The following TGDS variants were observed in gnomAD, a reference collection of about 807,000 sequenced individuals.
TGDS encodes the protein UDP-D-glucose 4,6-dehydratase.
In TGDS, 47 loss-of-function variants were observed where a neutral mutation model predicts 52.3. That is an observed-to-expected ratio of 0.90 (90% CI 0.71 to 1.15). The LOEUF is 1.15. Ranked by LOEUF, TGDS falls within the 50% of genes most tolerant of loss-of-function variation. The probability of loss-of-function intolerance (pLI) is 0.00; values close to 1 mark genes in which losing one functional copy is unlikely to be tolerated. For synonymous variants in TGDS, 115 were observed against 136.9 expected, an observed-to-expected ratio of 0.84 and a Z score of 1.12; for missense variants, 375 against 418.4, an observed-to-expected ratio of 0.90 and a Z score of 0.90.
intron 6 of TGDS, 152 bp from the exon 7 acceptor site, chr13:94,580,105 G>T: frequency 1.9e-6 from 1 of 529,584 alleles, no homozygotes; most frequent in Non-Finnish European, 3.3e-6. Context: ...CTAACGTAAG[G>T]TTTCTAAAAA....
chr13:94,580,940 A>G (rs1888766466), intron 6 of TGDS, 151 bp downstream of exon 6: 2 of 453,990 alleles, frequency 4.4e-6, no homozygotes, highest in East Asian at 6.9e-5. Flanking sequence ...GGAGTTCGAG[A>G]CCAGCCTGAG....
chr13:94,587,875 T>C (rs1248109068), intron 4 of TGDS, among the ~76,000 whole-genome samples: 1 of 151,176 alleles, frequency 6.6e-6, no homozygotes, highest in African/African-American at 2.4e-5. Context: ...CGGGCGCCTG[T>C]AGTCCCAGCT....
At position 94,575,916 on chromosome 13, in the gene TGDS, T is replaced by C. The variant is rs145301403; in HGVS notation, c.982+398A>G. 2.6e-3 allele frequency among the ~76,000 whole-genome samples: 393 copies of C among 152,264 alleles called. 5 individuals carry two copies. The highest frequency in any genetic ancestry group is 9.0e-3 in the African/African-American group (373 of 41,558). On this transcript the variant is annotated intron_variant, in intron 11 of 11. Coordinates refer to ENST00000261296, the MANE Select transcript of TGDS (RefSeq NM_014305.4). ...CAAGACACAAAAAAGACTGCATCTA[T>C]ATTTCACCAACTCTAAGATGCCACT...
At chr13:94,588,502 G>T (rs576333762) in intron 4 of TGDS, among the ~76,000 whole-genome samples, 2 of 149,486 alleles carry the variant, frequency 1.3e-5, no homozygotes, top group African/African-American at 4.9e-5. Context: ...AAAAGGCTTG[G>T]ATCCAAAATA....
At chr13:94,587,856 G>A (rs541267074) in intron 4 of TGDS, among the ~76,000 whole-genome samples, 1 of 151,604 alleles carries the variant, frequency 6.6e-6, no homozygotes, top group African/African-American at 2.4e-5. Context: ...AATTAGCCGG[G>A]TGTGGTGGCG....
intron 4 of TGDS, among the ~76,000 whole-genome samples, chr13:94,587,922 A>C (rs1306747285): frequency 6.8e-6 from 1 of 147,080 alleles, no homozygotes; most frequent in Non-Finnish European, 1.5e-5. Context: ...GCATGAACCC[A>C]GGAGGCAGAG....
intron 3 of TGDS, among the ~76,000 whole-genome samples, chr13:94,591,466 G>A (rs867365254): frequency 6.6e-6 from 1 of 152,102 alleles, no homozygotes; most frequent in Non-Finnish European, 1.5e-5. Context: ...GGTAGCAGGC[G>A]CCTGTAATCC....
chr13:94,590,968 G>A, intron 3 of TGDS, 25 bp from the exon 4 acceptor site: 1 of 1,529,610 alleles, frequency 6.5e-7, no homozygotes, highest in Non-Finnish European at 8.8e-7. Flanking sequence ...AAACATGAAA[G>A]GGCCTAGGTT....
chr13:94,577,985 CTTTT>C lies in TGDS; in HGVS notation c.825+16_825+19del, dbSNP rs760567648. ...CACTAACAATTTTGAAAATACCAAC[CTTTT>C]AAAACAGATACATACCAGTTGTATT... On this transcript the variant is annotated intron_variant, in intron 9 of 11. Coordinates refer to ENST00000261296, the MANE Select transcript of TGDS (RefSeq NM_014305.4). 4 of 1,604,624 alleles carry C rather than the reference CTTTT, an allele frequency of 2.5e-6. No individual in the cohort carries two copies. In the East Asian group the frequency reaches 9.0e-5, roughly 36 times the overall value.
chr13:94,590,967 A>G lies in TGDS; in HGVS notation c.223-24T>C, dbSNP rs777188634. 7 of 1,539,906 alleles carry G rather than the reference A, an allele frequency of 4.5e-6. No individual in the cohort carries two copies. In the South Asian group the frequency reaches 8.7e-5, roughly 19 times the overall value. On this transcript the variant is annotated intron_variant, in intron 3 of 11. Coordinates refer to ENST00000261296, the MANE Select transcript of TGDS (RefSeq NM_014305.4). Reference sequence around the variant, plus strand: ...CCCTATATGAAAAAGCAAACATGAAAGGGCCTAGGTTTCATACAGCACTCT... The same window carrying G: ...CCCTATATGAAAAAGCAAACATGAAGGGGCCTAGGTTTCATACAGCACTCT...
At chr13:94,580,872 C>G (rs1830442907) in intron 6 of TGDS, among the ~76,000 whole-genome samples, 1 of 152,206 alleles carries the variant, frequency 6.6e-6, no homozygotes, top group Non-Finnish European at 1.5e-5. Context: ...CTGGGCGTGG[C>G]TCACGCCTGT....
intron 4 of TGDS, among the ~76,000 whole-genome samples, chr13:94,583,853 C>T (rs1239823344): frequency 6.6e-6 from 1 of 152,050 alleles, no homozygotes; most frequent in Non-Finnish European, 1.5e-5. Context: ...TTATAAAGAA[C>T]TTTAAATAAA....
At chr13:94,576,970 G>A (rs976752102) in intron 10 of TGDS, among the ~76,000 whole-genome samples, 4 of 151,942 alleles carry the variant, frequency 2.6e-5, no homozygotes, top group Admixed American at 6.5e-5. Context: ...GTGTAGTGGC[G>A]TGTGCCTGTA....
At chr13:94,578,652 TATG>T (rs1888684868) in intron 8 of TGDS, 75 bp downstream of exon 8, 2 of 1,108,084 alleles carry the variant, frequency 1.8e-6, no homozygotes, top group African/African-American at 1.6e-5. Context: ...TTTAAGACTT[TATG>T]ATATTTAAGA....
At chr13:94,596,237 G>C (rs551125124), upstream of TGDS, 6 of 1,304,464 alleles carry the variant, frequency 4.6e-6, no homozygotes, top group East Asian at 7.6e-5. Context: ...CGCGGGACAC[G>C]TTAACAGAGC....
chr13:94,590,253 CTAAGT>C (rs976718110), intron 4 of TGDS, among the ~76,000 whole-genome samples: 55 of 148,164 alleles, frequency 3.7e-4, no homozygotes, highest in African/African-American at 1.2e-3. Context: ...TAAAAACACC[CTAAGT>C]TAAGCTGTAT....
At position 94,576,383 on chromosome 13, in the gene TGDS, T is replaced by G. The variant is rs777740428; in HGVS notation, c.913A>C (p.Lys305Gln). 10 of 1,601,534 alleles carry G rather than the reference T, an allele frequency of 6.2e-6. No homozygotes were observed. The highest frequency in any genetic ancestry group is 1.7e-4 in the Middle Eastern group (1 of 6,022). ...CCTAAGCCATGTATTTTTTCTGACTTCATTGGGTATCTCATGTCATTGGTG... is the reference window on the plus strand; with the variant it reads ...CCTAAGCCATGTATTTTTTCTGACTGCATTGGGTATCTCATGTCATTGGTG... ...RPTNDMRYPM[K>Q]SEKIHGLGWR... is the part of the protein sequence containing the mutation. The change falls in exon 11 of 12, where the codon AAG (lysine) becomes CAG (glutamine). Residue 305 changes from lysine (K) to glutamine (Q), a missense_variant. Physicochemically the swap from Lys to Gln is moderately conservative, Grantham distance 53. Transcript: ENST00000261296.
At chr13:94,594,707 C>T (rs1262098206) in intron 1 of TGDS, among the ~76,000 whole-genome samples, 1 of 152,162 alleles carries the variant, frequency 6.6e-6, no homozygotes, top group East Asian at 1.9e-4. Context: ...CCTTTCATGT[C>T]CATAGTCCTC....
rs74634315 is a variant in TGDS, at chr13:94,580,024, A to C, written c.556-71T>G. On this transcript the variant is annotated intron_variant, in intron 6 of 11. Coordinates refer to ENST00000261296, the MANE Select transcript of TGDS (RefSeq NM_014305.4). ...TAATGATTATTTTAAAGATAAGCAG[A>C]ATTTCAAAATATGGGCACCTTTGCC... 157 of 1,013,478 alleles carry C rather than the reference A, an allele frequency of 1.5e-4. No homozygotes were observed. In the African/African-American group the frequency reaches 2.4e-3, roughly 15 times the overall value. The allele number at this position is 1,013,478 out of a possible 1,614,324, so 62.8% of individuals were successfully genotyped here. A position where few individuals can be genotyped will look rare whatever the true frequency, so the allele number is the denominator to read the frequency against.
Sources: allele counts gnomAD v4.1 joint callset (sites outside exome capture counted in the v4.1 genomes callset), GRCh38; gene constraint gnomAD v4.1.1; transcripts MANE v1.5; gene names NCBI Gene and HGNC (gene_info 2026-07-23, HGNC 2026-07-21).